PTPRT: variants seen among roughly 807,000 people sequenced by gnomAD.
PTPRT encodes receptor-type tyrosine-protein phosphatase T.
A neutral mutation model predicts 176.8 loss-of-function variants in PTPRT; 56 were observed. The ratio of observed to expected loss-of-function variants is 0.32; its 90% confidence interval spans 0.26 to 0.40. PTPRT has a LOEUF of 0.40. PTPRT is among the 10% of genes least tolerant of loss of function. PTPRT has a pLI of 1.00. For synonymous variants in PTPRT, 783 were observed against 739.0 expected (o/e 1.06, Z -0.96); for missense variants, 1,540 against 1,908.2 (o/e 0.81, Z 3.60).
chr20:42,610,499 C>T (rs1031877861), intron 7 of PTPRT, among the ~76,000 whole-genome samples: 11 of 151,564 alleles, frequency 7.3e-5, no homozygotes, highest in South Asian at 6.2e-4. Flanking sequence ...GGATTACAGG[C>T]GTGAGCCACC....
intron 8 of PTPRT, among the ~76,000 whole-genome samples, chr20:42,466,739 G>C (rs1309522001): frequency 1.3e-5 from 2 of 152,070 alleles, no homozygotes; most frequent in South Asian, 2.1e-4. Context: ...CCTACTGAAA[G>C]AACCTACAGG....
At position 42,791,381 on chromosome 20, in the gene PTPRT, G is replaced by T. The variant is rs2077373112; in HGVS notation, c.300C>A (p.Thr100=). Residue 100 remains threonine (T), a synonymous_variant, in exon 3 of 31, where the codon ACC becomes ACA. Transcript: ENST00000373187. The part of the protein sequence containing the change: ...LLLPTLKEND[T]HCIDFHYYFS... Reference sequence around the variant, plus strand: ...AGTAGTAATGGAAGTCGATGCAGTGGGTGTCATTCTCCTTCAGGGTTGGCA... The same window carrying T: ...AGTAGTAATGGAAGTCGATGCAGTGTGTGTCATTCTCCTTCAGGGTTGGCA... 1 of 1,614,232 alleles carries T rather than the reference G, an allele frequency of 6.2e-7. No homozygotes were observed. The highest frequency in any genetic ancestry group is 8.5e-7 in the Non-Finnish European group (1 of 1,180,030).
At chr20:43,135,956 T>C (rs1434006476) in intron 1 of PTPRT, among the ~76,000 whole-genome samples, 1 of 152,222 alleles carries the variant, frequency 6.6e-6, no homozygotes, top group East Asian at 1.9e-4. Context: ...GGCAAATGTT[T>C]AAACTAAAAT....
At chr20:42,299,663 T>C (rs1208547820) in intron 12 of PTPRT, among the ~76,000 whole-genome samples, 3 of 146,552 alleles carry the variant, frequency 2.0e-5, no homozygotes, top group African/African-American at 7.6e-5. Flanking sequence ...TTTTTTTTTT[T>C]TGAGACACAG....
intron 9 of PTPRT, among the ~76,000 whole-genome samples, chr20:42,371,778 A>G (rs568014742): frequency 2.0e-4 from 30 of 152,346 alleles, no homozygotes; most frequent in African/African-American, 6.7e-4. Context: ...ACTGGCTGGT[A>G]ATTTCAGAAT....
intron 11 of PTPRT, among the ~76,000 whole-genome samples, chr20:42,345,807 T>C (rs543080065): frequency 6.6e-6 from 1 of 151,960 alleles, no homozygotes; most frequent in East Asian, 1.9e-4. Flanking sequence ...ATGAAGGAAC[T>C]ATATAGGTCA....
intron 9 of PTPRT, among the ~76,000 whole-genome samples, chr20:42,403,798 C>T (rs542260929): frequency 2.0e-5 from 3 of 152,250 alleles, no homozygotes; most frequent in African/African-American, 7.2e-5. Context: ...ACTTTCTAAT[C>T]TGGCCCTATC....
intron 1 of PTPRT, among the ~76,000 whole-genome samples, chr20:43,177,933 T>C (rs1026762076): frequency 2.0e-5 from 3 of 152,226 alleles, no homozygotes; most frequent in Non-Finnish European, 2.9e-5. Context: ...GTCCCAGAAA[T>C]ATTTTCCTAC....
intron 12 of PTPRT, among the ~76,000 whole-genome samples, chr20:42,291,786 C>T (rs556480282): frequency 2.2e-4 from 33 of 152,188 alleles, no homozygotes; most frequent in African/African-American, 7.2e-4. Flanking sequence ...TGATGTAAAA[C>T]GAAGCTAGCG....
intron 12 of PTPRT, among the ~76,000 whole-genome samples, chr20:42,310,611 A>G (rs1468226027): frequency 6.6e-6 from 1 of 152,172 alleles, no homozygotes; most frequent in Non-Finnish European, 1.5e-5. Context: ...GTTGCTAAGA[A>G]TGCTTTATTG....
At chr20:42,737,307 C>T (rs894121520) in intron 6 of PTPRT, among the ~76,000 whole-genome samples, 1 of 152,094 alleles carries the variant, frequency 6.6e-6, no homozygotes, top group Non-Finnish European at 1.5e-5. Context: ...CCAAGGAACA[C>T]CCAAAGATCA....
chr20:42,901,065 A>G (rs1327229727), intron 1 of PTPRT, among the ~76,000 whole-genome samples: 1 of 152,158 alleles, frequency 6.6e-6, no homozygotes, highest in African/African-American at 2.4e-5. Context: ...GCTGTAGATC[A>G]TGCACTTGCC....
chr20:42,916,358 C>G (rs1978756113), intron 1 of PTPRT, among the ~76,000 whole-genome samples: 1 of 152,148 alleles, frequency 6.6e-6, no homozygotes, highest in African/African-American at 2.4e-5. Flanking sequence ...TTAATCCAGT[C>G]TATCGTTCTT....
chr20:42,189,153 A>G (rs1990895515), intron 16 of PTPRT, among the ~76,000 whole-genome samples: 1 of 152,160 alleles, frequency 6.6e-6, no homozygotes, highest in African/African-American at 2.4e-5. Flanking sequence ...CTTGACACAG[A>G]GTATCTTGGA....
chr20:42,946,235 T>TG (rs929130666), intron 1 of PTPRT, among the ~76,000 whole-genome samples: 5 of 152,152 alleles, frequency 3.3e-5, no homozygotes, highest in Admixed American at 2.0e-4. Flanking sequence ...GGGCAATCCC[T>TG]GGGGGGAACT....
At chr20:42,252,787 G>T (rs2056568944) in intron 13 of PTPRT, among the ~76,000 whole-genome samples, 1 of 152,214 alleles carries the variant, frequency 6.6e-6, no homozygotes, top group Non-Finnish European at 1.5e-5. Flanking sequence ...GATTCGGAGA[G>T]GCTGTCTGAA....
At chr20:43,040,367 T>C (rs1209364849) in intron 1 of PTPRT, among the ~76,000 whole-genome samples, 1 of 152,156 alleles carries the variant, frequency 6.6e-6, no homozygotes, top group Non-Finnish European at 1.5e-5. Flanking sequence ...GATATATAAC[T>C]CACACAGCCA....
chr20:42,593,467 G>T (rs1183563795), intron 7 of PTPRT, among the ~76,000 whole-genome samples: 1 of 152,148 alleles, frequency 6.6e-6, no homozygotes, highest in Non-Finnish European at 1.5e-5. Context: ...AGGCATGGAG[G>T]TTCTGACTGT....
intron 7 of PTPRT, among the ~76,000 whole-genome samples, chr20:42,560,096 G>T (rs2072927358): frequency 1.3e-5 from 2 of 152,298 alleles, no homozygotes; most frequent in South Asian, 4.1e-4. Context: ...CACCCATCCT[G>T]TTGTCTGAGG....
Sources: gnomAD v4.1 joint callset for allele counts (sites outside exome capture counted in the v4.1 genomes callset) on GRCh38, gnomAD v4.1.1 for gene constraint, MANE v1.5 for transcripts, NCBI Gene and HGNC (gene_info 2026-07-23, HGNC 2026-07-21) for gene names.